The following C11orf65 variants were observed in gnomAD, a reference collection of about 807,000 sequenced individuals.
C11orf65 encodes the protein chromosome 11 open reading frame 65, also known as protein MFI.
Under a neutral mutation model 35.3 loss-of-function variants are expected in C11orf65, and 38 were observed. That is an observed-to-expected ratio of 1.08 (90% CI 0.83 to 1.41). The LOEUF (loss-of-function observed/expected upper bound fraction) is 1.41, where lower values mean the gene tolerates loss of function less well. C11orf65 is among the 40% of genes most tolerant of loss of function. The pLI, the probability that C11orf65 is intolerant of heterozygous loss-of-function variation, is 0.00. For missense variants in C11orf65, 370 were observed against 367.1 expected, an observed-to-expected ratio of 1.01 and a Z score of -0.06; for synonymous variants, 105 against 114.4, an observed-to-expected ratio of 0.92 and a Z score of 0.53.
chr11:108,335,170 T>C (rs1158953508), intron 3 of C11orf65: 5 of 1,610,576 alleles, frequency 3.1e-6, no homozygotes, highest in Non-Finnish European at 4.2e-6. Flanking sequence ...TTTTAGTTCA[T>C]ATTTTCTTTC....
intron 2 of C11orf65, among the ~76,000 whole-genome samples, chr11:108,435,426 G>C (rs1341542978): frequency 6.6e-6 from 1 of 152,118 alleles, no homozygotes; most frequent in Non-Finnish European, 1.5e-5. Flanking sequence ...AAGATGTCTA[G>C]AATTCAGGAG....
At chr11:108,404,530 C>T (rs897970885) in intron 6 of C11orf65, among the ~76,000 whole-genome samples, 2 of 152,078 alleles carry the variant, frequency 1.3e-5, no homozygotes, top group Non-Finnish European at 2.9e-5. Context: ...GCCTCAGCCT[C>T]CCAAGTAGCT....
chr11:108,449,261 C>G, intron 2 of C11orf65, among the ~76,000 whole-genome samples: 1 of 151,960 alleles, frequency 6.6e-6, no homozygotes, highest in African/African-American at 2.4e-5. Flanking sequence ...CAATGACTTT[C>G]TTCACAGAAT....
chr11:108,415,207 A>G (rs1029190131), intron 3 of C11orf65, among the ~76,000 whole-genome samples: 1 of 152,180 alleles, frequency 6.6e-6, no homozygotes, highest in African/African-American at 2.4e-5. Context: ...GAGAAGGGAG[A>G]AAAAGAACTG....
intron 2 of C11orf65, among the ~76,000 whole-genome samples, chr11:108,377,680 G>T (rs1384938498): frequency 4.0e-5 from 6 of 151,392 alleles, no homozygotes; most frequent in Admixed American, 3.3e-4. Flanking sequence ...AGGAAAAGAG[G>T]AAGTCAAATT....
chr11:108,417,545 TCAAAAAAACAAAAA>T (rs2092754473), intron 3 of C11orf65, among the ~76,000 whole-genome samples: 1 of 147,386 alleles, frequency 6.8e-6, no homozygotes, highest in Non-Finnish European at 1.5e-5. Flanking sequence ...AGACTCTGTC[TCAAAAAAACAAAAA>T]CAAACAAACA....
At chr11:108,352,097 G>A (rs2089279241) in intron 2 of C11orf65, among the ~76,000 whole-genome samples, 1 of 152,120 alleles carries the variant, frequency 6.6e-6, no homozygotes, top group Admixed American at 6.5e-5. Context: ...ATAACTAAAA[G>A]GTGTAGGTGT....
At chr11:108,327,492 A>G, downstream of C11orf65, 1 of 619,398 alleles carries the variant, frequency 1.6e-6, no homozygotes, top group Non-Finnish European at 2.9e-6. Flanking sequence ...TTATTAAAAT[A>G]GTTGTATGGC....
intron 2 of C11orf65, among the ~76,000 whole-genome samples, chr11:108,363,913 A>T (rs2091064315): frequency 6.6e-6 from 1 of 152,184 alleles, no homozygotes; most frequent in South Asian, 2.1e-4. Context: ...TTAGTTCATT[A>T]ATAAAATATA....
intron 2 of C11orf65, among the ~76,000 whole-genome samples, chr11:108,356,866 TTTTGAGTC>T (rs2090000633): frequency 6.6e-6 from 1 of 152,076 alleles, no homozygotes; most frequent in African/African-American, 2.4e-5. Flanking sequence ...TGAGTGAGGG[TTTTGAGTC>T]TGAAAAGTGA....
chr11:108,308,916 A>G (rs1486348367), exon 7 of C11orf65: 6 of 1,044,180 alleles, frequency 5.7e-6, no homozygotes, highest in Non-Finnish European at 8.6e-6. Flanking sequence ...AGTGGAGAGC[A>G]TTTGTTTTCT....
At position 108,309,189 on chromosome 11, in the gene C11orf65, A is replaced by T. The variant is rs4988066; in HGVS notation, c.641-118T>A. 3.7e-3 allele frequency: 2,062 copies of T among 562,304 alleles called. 40 individuals are homozygous for T. Among genetic ancestry groups the T allele is most frequent in the African/African-American group, 0.035 (1,857 of 53,424 alleles). 34.8% of individuals were successfully genotyped at this position (562,304 alleles called of 1,614,324 possible). ...ACAGTATGTTGGGCAAAAACAAAGA[A>T]CAACAATAAAACAACAACAACAAAA... On this transcript the variant is annotated intron_variant, in intron 6 of 6. Transcript: ENST00000525729.
At chr11:108,460,208 T>G (rs1410769440) in intron 2 of C11orf65, among the ~76,000 whole-genome samples, 1 of 152,136 alleles carries the variant, frequency 6.6e-6, no homozygotes, top group Non-Finnish European at 1.5e-5. Context: ...CTTTACAAAA[T>G]GGGATTAACT....
chr11:108,372,714 C>T (rs1007700394), intron 2 of C11orf65, among the ~76,000 whole-genome samples: 3 of 152,070 alleles, frequency 2.0e-5, no homozygotes, highest in Admixed American at 6.6e-5. Flanking sequence ...TGAAATGATA[C>T]CAATTCTACA....
intron 2 of C11orf65, among the ~76,000 whole-genome samples, chr11:108,435,222 T>C (rs1479655890): frequency 6.6e-6 from 1 of 152,146 alleles, no homozygotes; most frequent in Non-Finnish European, 1.5e-5. Flanking sequence ...ATGGTCTTAG[T>C]TTCCACAGGA....
chr11:108,370,772 G>A (rs2091547343), intron 2 of C11orf65, among the ~76,000 whole-genome samples: 1 of 152,006 alleles, frequency 6.6e-6, no homozygotes, highest in South Asian at 2.1e-4. Flanking sequence ...TGTTAATGTA[G>A]TGAACTACAC....
chr11:108,459,168 T>C (rs1280418243), intron 2 of C11orf65, among the ~76,000 whole-genome samples: 2 of 152,096 alleles, frequency 1.3e-5, no homozygotes, highest in Non-Finnish European at 2.9e-5. Context: ...ACAACAAAAT[T>C]AAGAGGGTTT....
At chr11:108,430,385 C>T (rs991254536) in intron 3 of C11orf65, among the ~76,000 whole-genome samples, 4 of 150,798 alleles carry the variant, frequency 2.7e-5, no homozygotes, top group South Asian at 2.1e-4. Context: ...GTGATCCGCC[C>T]GCCTCGGCCT....
At position 108,365,395 on chromosome 11, in the gene C11orf65, G is replaced by T. The variant is rs1386313592; in HGVS notation, c.226+27813C>A. On this transcript the variant is annotated intron_variant, in intron 2 of 3. Transcript: ENST00000524755. ...GAGACTACAAGAGAAACTGAAAGGA[G>T]TGGAAGAAGGCACTGTGCTCAGTGT... The T allele has an allele frequency of 3.1e-6, 5 of 1,614,090 alleles. No homozygotes were observed. Among genetic ancestry groups the T allele is most frequent in the Non-Finnish European group, 4.2e-6 (5 of 1,180,054 alleles).
Sources: gnomAD v4.1 joint callset for allele counts (sites outside exome capture counted in the v4.1 genomes callset) on GRCh38, gnomAD v4.1.1 for gene constraint, MANE v1.5 for transcripts, NCBI Gene and HGNC (gene_info 2026-07-23, HGNC 2026-07-21) for gene names.